Variants in RABGAP1 observed in about 807,000 individuals in gnomAD.
The protein encoded by RABGAP1 is RAB GTPase activating protein 1.
A neutral mutation model predicts 137.6 loss-of-function variants in RABGAP1; 23 were observed. The observed-to-expected ratio is 0.17, with a 90% CI of 0.12 to 0.24. The LOEUF is 0.24. Among genes scored for constraint, RABGAP1 ranks in the 10% least tolerant of loss-of-function variants. The pLI, the probability that RABGAP1 is intolerant of heterozygous loss-of-function variation, is 1.00. For missense variants in RABGAP1, 906 were observed against 1,275.8 expected (o/e 0.71, Z 4.42); for synonymous variants, 451 against 450.7 (o/e 1.00, Z -0.01).
chr9:123,026,805 G>A (rs1433796590), intron 13 of RABGAP1, among the ~76,000 whole-genome samples: 3 of 152,150 alleles, frequency 2.0e-5, no homozygotes, highest in Non-Finnish European at 4.4e-5. Flanking sequence ...CTTTCTGATG[G>A]TTATTTTTTA....
chr9:122,987,284 A>G (rs1042912530), intron 4 of RABGAP1, among the ~76,000 whole-genome samples: 2 of 152,236 alleles, frequency 1.3e-5, no homozygotes, highest in African/African-American at 4.8e-5. Context: ...AATAAGTCAG[A>G]TGAATGCAGG....
intron 25 of RABGAP1, among the ~76,000 whole-genome samples, chr9:123,102,258 A>G (rs2035367482): frequency 6.6e-6 from 1 of 152,160 alleles, no homozygotes; most frequent in Non-Finnish European, 1.5e-5. Flanking sequence ...CTGTTAATAT[A>G]CTACCTATCT....
intron 2 of RABGAP1, among the ~76,000 whole-genome samples, chr9:122,968,390 T>C (rs1835289002): frequency 6.6e-6 from 1 of 151,654 alleles, no homozygotes; most frequent in Non-Finnish European, 1.5e-5. Context: ...GCCCGGCTAA[T>C]TTTCATATTT....
At chr9:123,066,564 C>T (rs1003632350) in intron 14 of RABGAP1, among the ~76,000 whole-genome samples, 1 of 152,194 alleles carries the variant, frequency 6.6e-6, no homozygotes, top group African/African-American at 2.4e-5. Flanking sequence ...CTCATGCCTT[C>T]ACTGACTTCA....
intron 14 of RABGAP1, among the ~76,000 whole-genome samples, chr9:123,069,481 T>C (rs1410101556): frequency 5.9e-5 from 9 of 151,972 alleles, no homozygotes; most frequent in Admixed American, 3.9e-4. Flanking sequence ...CTCACGCCTG[T>C]AATCCTAGCA....
chr9:122,986,188 C>T (rs866802454), intron 3 of RABGAP1, 27 bp from the exon 4 acceptor site: 2 of 1,585,702 alleles, frequency 1.3e-6, no homozygotes, highest in African/African-American at 1.3e-5. Flanking sequence ...TGAAAGTAAT[C>T]ACTTCCTTAT....
chr9:122,982,532 C>A (rs1836124314), intron 2 of RABGAP1, among the ~76,000 whole-genome samples: 1 of 152,182 alleles, frequency 6.6e-6, no homozygotes, highest in African/African-American at 2.4e-5. Context: ...CTAATTGCTT[C>A]AACAGGGAAT....
At chr9:123,092,632 G>A (rs915508117) in intron 21 of RABGAP1, among the ~76,000 whole-genome samples, 5 of 81,132 alleles carry the variant, frequency 6.2e-5, no homozygotes, top group Admixed American at 2.2e-4. Context: ...TGTCATAACC[G>A]TATCAAAAAC....
At position 123,079,525 on chromosome 9, in the gene RABGAP1, C is replaced by A. The variant is rs922237642; in HGVS notation, c.2424+2763C>A. Reference sequence around the variant, plus strand: ...GAGTGCTGGGATTACAGGTGTGAGCCACCACACCCGGCCCGCCACTCTTGT... The same window carrying A: ...GAGTGCTGGGATTACAGGTGTGAGCAACCACACCCGGCCCGCCACTCTTGT... On this transcript the variant is annotated intron_variant, in intron 19 of 25. Coordinates refer to ENST00000373647, the MANE Select transcript of RABGAP1 (RefSeq NM_012197.4). 9.2e-5 allele frequency among the ~76,000 whole-genome samples: 14 copies of A among 151,918 alleles called. 1 individual carries two copies. The highest frequency in any genetic ancestry group is 2.9e-4 in the African/African-American group (12 of 41,364).
At chr9:123,091,845 G>C (rs941698256) in intron 21 of RABGAP1, among the ~76,000 whole-genome samples, 6 of 151,894 alleles carry the variant, frequency 4.0e-5, no homozygotes, top group Non-Finnish European at 7.4e-5. Flanking sequence ...TCCTCCTTAC[G>C]GTGCAAATTC....
At chr9:123,097,157 T>C (rs2035210008) in intron 21 of RABGAP1, among the ~76,000 whole-genome samples, 2 of 152,082 alleles carry the variant, frequency 1.3e-5, no homozygotes, top group African/African-American at 4.8e-5. Context: ...TCACTAGAAC[T>C]CACAGATACG....
intron 12 of RABGAP1, among the ~76,000 whole-genome samples, chr9:123,017,389 T>A (rs2031311557): frequency 1.3e-5 from 2 of 152,200 alleles, no homozygotes; most frequent in South Asian, 4.1e-4. Context: ...TGAGTTTCCA[T>A]CTGTGTCTGC....
chr9:122,950,846 A>G (rs943061364), intron 1 of RABGAP1, among the ~76,000 whole-genome samples: 4 of 152,224 alleles, frequency 2.6e-5, no homozygotes, highest in African/African-American at 9.7e-5. Flanking sequence ...AGTGAAAAGA[A>G]GGACGATGAT....
At chr9:122,983,571 A>C (rs1252943728) in intron 2 of RABGAP1, among the ~76,000 whole-genome samples, 2 of 152,160 alleles carry the variant, frequency 1.3e-5, no homozygotes, top group Non-Finnish European at 2.9e-5. Flanking sequence ...ATTGCTTCCT[A>C]GCATCTGTGT....
intron 1 of RABGAP1, among the ~76,000 whole-genome samples, chr9:122,950,377 C>CTTTTTTTTTTT (rs200424486): frequency 0.011 from 812 of 74,244 alleles, 1 homozygote; most frequent in Non-Finnish European, 0.013. Context: ...CTTTTTCTTT[C>CTTTTTTTTTTT]TTTTTTTTTT....
intron 2 of RABGAP1, among the ~76,000 whole-genome samples, chr9:122,963,590 A>G (rs1834970425): frequency 1.3e-5 from 2 of 152,236 alleles, no homozygotes; most frequent in African/African-American, 4.8e-5. Context: ...CAGATACAAT[A>G]TACTAAGACT....
At chr9:123,052,325 GGTT>G (rs1297541992) in intron 13 of RABGAP1, among the ~76,000 whole-genome samples, 3 of 152,134 alleles carry the variant, frequency 2.0e-5, no homozygotes, top group African/African-American at 4.8e-5. Flanking sequence ...CACCTCAAAA[GGTT>G]GTTAAGATAG....
chr9:123,019,864 T>C (rs2131923166), intron 12 of RABGAP1, among the ~76,000 whole-genome samples: 1 of 152,132 alleles, frequency 6.6e-6, no homozygotes, highest in East Asian at 1.9e-4. Flanking sequence ...TAATTTTTTG[T>C]ATTTAGATGG....
Position 123,051,449 on chromosome 9 carries a change from G to A in RABGAP1, c.1795-13899G>A, listed in dbSNP as rs147390580. 1.1e-4 allele frequency among the ~76,000 whole-genome samples: 16 copies of A among 150,700 alleles called. No individual in the cohort carries two copies. In the East Asian group the frequency reaches 2.3e-3, roughly 22 times the overall value. ...TTTAGTAGAGATGGGGTTTCTCCAC[G>A]TTGATCAGACTGGTCTCGAACTCCC... On this transcript the variant is annotated intron_variant, in intron 13 of 25. Transcript: ENST00000373647.
Sources: gnomAD v4.1 joint callset for allele counts (sites outside exome capture counted in the v4.1 genomes callset) on GRCh38, gnomAD v4.1.1 for gene constraint, MANE v1.5 for transcripts, NCBI Gene and HGNC (gene_info 2026-07-23, HGNC 2026-07-21) for gene names.